The following CLIC5 variants were observed in gnomAD, a reference collection of about 807,000 sequenced individuals.
The protein encoded by CLIC5 is chloride intracellular channel protein 5.
CLIC5 carries 20 observed loss-of-function variants against 24.7 expected under a neutral mutation model. The ratio of observed to expected loss-of-function variants is 0.81; its 90% CI spans 0.57 to 1.18. The LOEUF is 1.18. Ranked by LOEUF, CLIC5 falls within the 50% of genes most tolerant of loss-of-function variation. The probability of loss-of-function intolerance (pLI) is 0.00; values close to 1 mark genes in which losing one functional copy is unlikely to be tolerated. For synonymous variants in CLIC5, 159 were observed against 135.6 expected (o/e 1.17, Z -1.20); for missense variants, 341 against 326.1 (o/e 1.05, Z -0.35).
chr6:45,953,927 G>T (rs1764553572), intron 2 of CLIC5, among the ~76,000 whole-genome samples: 1 of 152,030 alleles, frequency 6.6e-6, no homozygotes, highest in Non-Finnish European at 1.5e-5. Context: ...CTTGGCTACT[G>T]ATCAACAATG....
intron 4 of CLIC5, chr6:45,920,368 G>C: frequency 1.2e-6 from 1 of 860,542 alleles, no homozygotes. Flanking sequence ...ATTTTTCCTA[G>C]GAGGAAAGAA....
chr6:45,981,436 A>C (rs958231121), intron 1 of CLIC5, among the ~76,000 whole-genome samples: 1 of 152,240 alleles, frequency 6.6e-6, no homozygotes, highest in Non-Finnish European at 1.5e-5. Flanking sequence ...ACTAGCTTCT[A>C]AATATACCTC....
intron 5 of CLIC5, chr6:45,912,449 G>C: frequency 8.3e-7 from 1 of 1,206,976 alleles, no homozygotes; most frequent in Non-Finnish European, 1.0e-6. Flanking sequence ...TGTTTGCTTT[G>C]TTCAACAAAT....
In CLIC5 at chr6:45,914,418, A is replaced by G. The variant is rs770496347; in HGVS notation, c.407-9T>C. 1.3e-6 allele frequency: 2 copies of G among 1,557,110 alleles called. No homozygotes were observed. Among genetic ancestry groups the G allele is most frequent in the Non-Finnish European group, 1.8e-6 (2 of 1,142,070 alleles). The stretch of plus-strand genomic sequence containing the variant: ...TAGGCCTCTTTCAAGAGCTGGCATG[A>G]AAGAGTAAAAGGGCCTTTATTCAAA... On this transcript the variant is annotated splice_polypyrimidine_tract_variant and intron_variant, in intron 4 of 5. Coordinates refer to ENST00000339561, the MANE Select transcript of CLIC5 (RefSeq NM_016929.5).
intron 1 of CLIC5, among the ~76,000 whole-genome samples, chr6:45,983,951 T>G (rs1343810065): frequency 6.6e-6 from 1 of 152,214 alleles, no homozygotes; most frequent in Non-Finnish European, 1.5e-5. Context: ...CCATATCTCT[T>G]TTGTTCACTG....
At chr6:46,000,291 A>C (rs1271689686) in intron 1 of CLIC5, among the ~76,000 whole-genome samples, 1 of 152,124 alleles carries the variant, frequency 6.6e-6, no homozygotes, top group East Asian at 1.9e-4. Flanking sequence ...TTAACTGTAT[A>C]TATGTAAAAC....
chr6:45,928,697 G>C (rs1224493243), intron 4 of CLIC5, among the ~76,000 whole-genome samples: 1 of 152,124 alleles, frequency 6.6e-6, no homozygotes, highest in Non-Finnish European at 1.5e-5. Flanking sequence ...ATTGAAATGA[G>C]CCTGTCTAAG....
intron 4 of CLIC5, among the ~76,000 whole-genome samples, chr6:45,926,303 A>C (rs979226712): frequency 6.6e-6 from 1 of 151,004 alleles, no homozygotes; most frequent in African/African-American, 2.4e-5. Flanking sequence ...GCTGGAGTGC[A>C]GTGGTGTGAT....
At chr6:45,885,578 C>T (rs1762298383) in intron 6 of CLIC5, among the ~76,000 whole-genome samples, 1 of 152,176 alleles carries the variant, frequency 6.6e-6, no homozygotes, top group Non-Finnish European at 1.5e-5. Context: ...GTGGACAATG[C>T]TTTCCCATTG....
the CLIC5 span, among the ~76,000 whole-genome samples, chr6:46,091,609 A>C: frequency 1.3e-5 from 2 of 152,180 alleles, no homozygotes; most frequent in African/African-American, 4.8e-5. Context: ...ATGGCAGTGC[A>C]TGCCTGTGGT....
intron 1 of CLIC5, among the ~76,000 whole-genome samples, chr6:45,983,457 G>A (rs991923874): frequency 6.6e-6 from 1 of 152,186 alleles, no homozygotes; most frequent in Non-Finnish European, 1.5e-5. Flanking sequence ...ACACCATTGA[G>A]AAGAGTTTTG....
At chr6:45,929,717 C>G (rs1042788699) in intron 4 of CLIC5, among the ~76,000 whole-genome samples, 1 of 152,200 alleles carries the variant, frequency 6.6e-6, no homozygotes, top group Non-Finnish European at 1.5e-5. Context: ...CCGTGGGGCT[C>G]CCAGGCCTCT....
In CLIC5 at chr6:45,902,930, T is replaced by C; in HGVS notation, c.*158A>G. 4.0e-6 allele frequency: 3 copies of C among 748,392 alleles called. No homozygotes were observed. The highest frequency in any genetic ancestry group is 6.6e-6 in the Non-Finnish European group (3 of 454,692). The allele number at this position is 748,392 out of a possible 1,614,324, so 46.4% of individuals were successfully genotyped here. ...AGGCCAGGGATGGTGCTGACCTTCATGAAAGATAGCAGGCTGGAGTTCCCA... is the reference window on the plus strand; with the variant it reads ...AGGCCAGGGATGGTGCTGACCTTCACGAAAGATAGCAGGCTGGAGTTCCCA... On this transcript the variant is annotated 3_prime_UTR_variant, in exon 6 of 6. Coordinates refer to ENST00000339561, the MANE Select transcript of CLIC5 (RefSeq NM_016929.5).
chr6:45,937,110 G>T (rs1426892163), intron 4 of CLIC5, among the ~76,000 whole-genome samples: 2 of 152,190 alleles, frequency 1.3e-5, no homozygotes, highest in Non-Finnish European at 2.9e-5. Context: ...CCAGGCCACT[G>T]ACGCTCCTTG....
intron 3 of CLIC5, among the ~76,000 whole-genome samples, chr6:45,944,424 C>T (rs1452240177): frequency 1.3e-5 from 2 of 151,964 alleles, no homozygotes; most frequent in Admixed American, 1.3e-4. Context: ...TGACCTTTTA[C>T]AGATAAAGCT....
intron 2 of CLIC5, among the ~76,000 whole-genome samples, chr6:45,949,941 C>G (rs1340207013): frequency 6.6e-6 from 1 of 152,204 alleles, no homozygotes; most frequent in Non-Finnish European, 1.5e-5. Flanking sequence ...TTTTGTCACA[C>G]TCAACAGAAT....
intron 4 of CLIC5, among the ~76,000 whole-genome samples, chr6:45,936,483 G>A (rs1404843711): frequency 6.6e-6 from 1 of 152,042 alleles, no homozygotes; most frequent in African/African-American, 2.4e-5. Flanking sequence ...GGGATTACAG[G>A]GGTCAGACAC....
At position 45,949,369 on chromosome 6, in the gene CLIC5, G is replaced by A. The variant is rs767186169; in HGVS notation, c.186C>T (p.Asp62=). 1.2e-6 allele frequency: 2 copies of A among 1,613,514 alleles called. No individual in the cohort carries two copies. The highest frequency in any genetic ancestry group is 8.5e-7 in the Non-Finnish European group (1 of 1,179,680). ...TTVDLKRKPA[D]LHNLAPGTHP... is the part of the protein sequence containing the mutation. Reference sequence around the variant, plus strand: ...GCGTGCCGGGGGCTAGGTTGTGCAGGTCAGCTGGCTTTCTGTAGAGAGAGC... The same window carrying A: ...GCGTGCCGGGGGCTAGGTTGTGCAGATCAGCTGGCTTTCTGTAGAGAGAGC... The change falls in exon 3 of 6, where the codon GAC becomes GAT. Residue 62 remains aspartate (D), a synonymous_variant. Transcript: ENST00000339561.
chr6:46,031,167 C>T (rs1488039804), intron 1 of CLIC5, among the ~76,000 whole-genome samples: 2 of 152,120 alleles, frequency 1.3e-5, no homozygotes. Context: ...AGATGTTGCT[C>T]CAGTTCTTGA....
Sources: allele counts gnomAD v4.1 joint callset (sites outside exome capture counted in the v4.1 genomes callset), GRCh38; gene constraint gnomAD v4.1.1; transcripts MANE v1.5; gene names NCBI Gene and HGNC (gene_info 2026-07-23, HGNC 2026-07-21).